TRA2B: variants seen among roughly 807,000 people sequenced by gnomAD.
The protein encoded by TRA2B is transformer 2 beta homolog.
A neutral mutation model predicts 41.7 loss-of-function variants in TRA2B; 14 were observed. That is an observed-to-expected ratio of 0.34 (90% CI 0.22 to 0.53). TRA2B has a LOEUF of 0.53. Ranked by LOEUF, TRA2B falls within the 20% of genes least tolerant of loss-of-function variation. TRA2B has a pLI of 0.95. For missense variants in TRA2B, 167 were observed against 396.8 expected, an observed-to-expected ratio of 0.42 and a Z score of 4.92; for synonymous variants, 130 against 128.8, an observed-to-expected ratio of 1.01 and a Z score of -0.06.
intron 1 of TRA2B, among the ~76,000 whole-genome samples, chr3:185,934,183 A>T (rs887514862): frequency 1.3e-5 from 2 of 152,118 alleles, no homozygotes; most frequent in Non-Finnish European, 2.9e-5. Context: ...ATGCCTTGTT[A>T]AAAAAACAGT....
At position 185,936,020 on chromosome 3, in the gene TRA2B, G is replaced by C. The variant is rs1031654588; in HGVS notation, c.36+1805C>G. On this transcript the variant is annotated intron_variant, in intron 1 of 8. Transcript: ENST00000453386. ...CATCAGAAAATTTCAAATTTCTCTT[G>C]AGCCGAGTCTCAAACTGGAACCTAG... The C allele has an allele frequency of 9.1e-6, 9 of 985,256 alleles. No homozygotes were observed. The African/African-American group carries it at 1.6e-4, about 17-fold the overall frequency. The allele number at this position is 985,256 out of a possible 1,614,324, so 61.0% of individuals were successfully genotyped here.
At chr3:185,920,974 CT>C in intron 6 of TRA2B, 129 bp downstream of exon 6, 1 of 606,192 alleles carries the variant, frequency 1.6e-6, no homozygotes, top group Non-Finnish European at 2.7e-6. Context: ...TCTGATTTAA[CT>C]TTCTACTCTG....
intron 1 of TRA2B, among the ~76,000 whole-genome samples, chr3:185,929,964 A>C (rs1314793359): frequency 6.6e-6 from 1 of 151,864 alleles, no homozygotes; most frequent in Non-Finnish European, 1.5e-5. Context: ...AGTCTTTCAC[A>C]CACTGCCTGT....
At position 185,925,402 on chromosome 3, in the gene TRA2B, C is replaced by G. The variant is rs572501457; in HGVS notation, c.333+62G>C. On this transcript the variant is annotated intron_variant, in intron 3 of 8. Transcript: ENST00000453386. ...TAAAGCTCTATTGTCAAAATCAGCT[C>G]TAACTTTAAGAAAAAGTAAATTTAG... is the stretch of plus-strand genomic sequence containing the variant. The G allele has an allele frequency of 1.3e-4, 205 of 1,576,880 alleles. 3 individuals are homozygous for G. In the East Asian group the frequency reaches 4.5e-3, roughly 35 times the overall value.
chr3:185,927,421 G>C (rs80292881), intron 1 of TRA2B: 8,060 of 152,254 alleles, frequency 0.053, 305 homozygotes, highest in Non-Finnish European at 0.075. Context: ...AATAAGAGTA[G>C]AGAGGGTGTC....
intron 3 of TRA2B, 78 bp downstream of exon 3, chr3:185,925,384 CTA>C: frequency 2.0e-6 from 3 of 1,524,742 alleles, no homozygotes; most frequent in Middle Eastern, 4.7e-4. Context: ...TGCTAAAGCT[CTA>C]TTGTCAAAAT....
chr3:185,923,654 T>C, intron 4 of TRA2B, 142 bp downstream of exon 4: 1 of 710,664 alleles, frequency 1.4e-6, no homozygotes, highest in Non-Finnish European at 2.1e-6. Context: ...ATTCTGCATG[T>C]ATCTTGAGTC....
Position 185,917,569 on chromosome 3 carries a change from A to G in TRA2B, c.*146T>C. 1.4e-6 allele frequency: 1 copy of G among 703,180 alleles called. No individual in the cohort carries two copies. Among genetic ancestry groups the G allele is most frequent in the Non-Finnish European group, 2.3e-6 (1 of 428,520 alleles). The allele number at this position is 703,180 out of a possible 1,614,324, so 43.6% of individuals were successfully genotyped here. A position where few individuals can be genotyped will look rare whatever the true frequency, so the allele number is the denominator to read the frequency against. ...AATGCAGAATGAAAACAGCATTTCA[A>G]CTCCACCAAAAGTAGTCATCGTAAA... On this transcript the variant is annotated 3_prime_UTR_variant, in exon 9 of 9. Coordinates refer to ENST00000453386, the MANE Select transcript of TRA2B (RefSeq NM_004593.3).
intron 1 of TRA2B, chr3:185,936,628 A>C: frequency 1.0e-6 from 1 of 985,280 alleles, no homozygotes; most frequent in South Asian, 4.7e-5. Flanking sequence ...AATCATATTC[A>C]GATCTTAAGG....
At chr3:185,928,976 A>C (rs1459263569) in intron 1 of TRA2B, 1 of 152,238 alleles carries the variant, frequency 6.6e-6, no homozygotes, top group Non-Finnish European at 1.5e-5. Context: ...TTTCTCCTTA[A>C]AATCTAGCAG....
At chr3:185,935,868 C>T (rs191559861) in intron 1 of TRA2B, 14 of 985,230 alleles carry the variant, frequency 1.4e-5, no homozygotes, top group Non-Finnish European at 1.7e-5. Flanking sequence ...GTTTAGAGAT[C>T]TCGGCCAGAA....
intron 1 of TRA2B, chr3:185,934,940 A>C (rs1177851272): frequency 1.4e-5 from 14 of 985,308 alleles, no homozygotes; most frequent in Non-Finnish European, 1.7e-5. Flanking sequence ...TGGTCCATAC[A>C]TCAGTGTCTC....
intron 1 of TRA2B, chr3:185,937,410 G>C (rs1000323777): frequency 3.0e-6 from 3 of 1,010,088 alleles, no homozygotes; most frequent in Non-Finnish European, 3.5e-6. Flanking sequence ...CCGCGTTGCC[G>C]CGCGGCTTCT....
chr3:185,917,845 C>A lies in TRA2B; in HGVS notation c.857-120G>T, dbSNP rs971676687. On this transcript the variant is annotated intron_variant, in intron 8 of 8. Transcript: ENST00000453386. ...AAATTCCTATGTGCCAGAACCCCACCACCCCCAAATAGAGAAAGACTTCCA... is the reference window on the plus strand; with the variant it reads ...AAATTCCTATGTGCCAGAACCCCACAACCCCCAAATAGAGAAAGACTTCCA... The A allele has an allele frequency of 4.9e-5, 47 of 950,718 alleles. No homozygotes were observed. The African/African-American group carries it at 6.7e-4, about 14-fold the overall frequency. The allele number at this position is 950,718 out of a possible 1,614,324, so 58.9% of individuals were successfully genotyped here.
intron 1 of TRA2B, chr3:185,936,556 G>A (rs1338358781): frequency 2.7e-5 from 27 of 985,106 alleles, no homozygotes; most frequent in Admixed American, 1.2e-4. Context: ...ATACTCTGAG[G>A]AATCATATAA....
Position 185,925,586 on chromosome 3 carries a change from ACCGGGTATAATG to A in TRA2B, c.199_210del (p.His67_Arg70del). 6.2e-7 allele frequency: 1 copy of A among 1,614,152 alleles called. No homozygotes were observed. The highest frequency in any genetic ancestry group is 8.5e-7 in the Non-Finnish European group (1 of 1,179,998). The stretch of plus-strand genomic sequence containing the variant: ...CTATGGGAGCGGGAGCGAGACCGTG[ACCGGGTATAATG>A]CCTTCGGGAGCTTCTTCTGGATCTA... On this transcript the variant is annotated inframe_deletion, in exon 3 of 9. Transcript: ENST00000453386.
At chr3:185,936,515 C>G (rs1744361624) in intron 1 of TRA2B, 1 of 985,284 alleles carries the variant, frequency 1.0e-6, no homozygotes, top group Non-Finnish European at 1.2e-6. Context: ...GCAGGAAACT[C>G]ACGCTTCATC....
intron 2 of TRA2B, among the ~76,000 whole-genome samples, chr3:185,925,942 T>C (rs138269448): frequency 0.015 from 2,257 of 152,326 alleles, 38 homozygotes; most frequent in Middle Eastern, 0.034. Context: ...AAGACCATTC[T>C]CTACTTTTCT....
intron 1 of TRA2B, among the ~76,000 whole-genome samples, chr3:185,933,628 C>T (rs995135140): frequency 2.6e-5 from 4 of 152,012 alleles, no homozygotes; most frequent in South Asian, 4.2e-4. Flanking sequence ...AAGGTCAATG[C>T]TCATATCAAT....
Sources: allele counts gnomAD v4.1 joint callset (sites outside exome capture counted in the v4.1 genomes callset), GRCh38; gene constraint gnomAD v4.1.1; transcripts MANE v1.5; gene names NCBI Gene and HGNC (gene_info 2026-07-23, HGNC 2026-07-21).